Variants in HERC5 observed in about 807,000 individuals in gnomAD.
HERC5 encodes the protein E3 ISG15--protein ligase HERC5.
Under a neutral mutation model 119.6 loss-of-function variants are expected in HERC5, and 99 were observed. That is an observed-to-expected ratio of 0.83 (90% confidence interval 0.70 to 0.98). The LOEUF is 0.98. HERC5 is among the 50% of genes least tolerant of loss of function. HERC5 has a pLI of 0.00. For missense variants in HERC5, 1,267 were observed against 1,241.3 expected (o/e 1.02, Z -0.31); for synonymous variants, 478 against 445.9 (o/e 1.07, Z -0.91).
chr4:88,472,921 C>CT (rs775630233), intron 11 of HERC5: 1,966 of 128,128 alleles, frequency 0.015, 19 homozygotes, highest in Non-Finnish European at 0.023. Flanking sequence ...TGCCTGGATT[C>CT]TTTTTTTTTT....
chr4:88,479,341 T>C lies in HERC5; in HGVS notation c.1583-12T>C. The stretch of plus-strand genomic sequence containing the variant: ...CATTTTTTAAAAAATTTGCTTTCCT[T>C]GTGTTCCTCAGAAGAGTATTGGGCA... On this transcript the variant is annotated splice_polypyrimidine_tract_variant and intron_variant, in intron 12 of 22. Transcript: ENST00000264350. 6.4e-7 allele frequency: 1 copy of C among 1,557,682 alleles called. No homozygotes were observed. Among genetic ancestry groups the C allele is most frequent in the Non-Finnish European group, 8.6e-7 (1 of 1,158,718 alleles).
chr4:88,460,080 A>G lies in HERC5; in HGVS notation c.390-15A>G, dbSNP rs1435765301. 4.4e-6 allele frequency: 6 copies of G among 1,378,810 alleles called. No homozygotes were observed. The highest frequency in any genetic ancestry group is 1.8e-4 in the Middle Eastern group (1 of 5,618). 85.4% of individuals were successfully genotyped at this position (1,378,810 alleles called of 1,614,324 possible). A position where few individuals can be genotyped will look rare whatever the true frequency, so the allele number is the denominator to read the frequency against. On this transcript the variant is annotated splice_polypyrimidine_tract_variant and intron_variant, in intron 2 of 22. Coordinates refer to ENST00000264350, the MANE Select transcript of HERC5 (RefSeq NM_016323.4). The stretch of plus-strand genomic sequence containing the variant: ...CATTATGGTGATTAACACAAAGTGT[A>G]TTTTCCTTCATCAGGTTTGAAAGCA...
intron 10 of HERC5, 35 bp downstream of exon 10, chr4:88,470,708 T>C: frequency 1.1e-6 from 1 of 940,176 alleles, no homozygotes; most frequent in Non-Finnish European, 1.7e-6. Context: ...TATTAAATTG[T>C]ATTAAGAGTA....
chr4:88,492,674 AG>A (rs1222926355), intron 16 of HERC5, among the ~76,000 whole-genome samples: 1 of 152,086 alleles, frequency 6.6e-6, no homozygotes, highest in Non-Finnish European at 1.5e-5. Flanking sequence ...TAAACCCAGG[AG>A]GCGGAGGTTG....
Position 88,476,013 on chromosome 4 carries a change from A to G in HERC5, c.1565A>G (p.Gln522Arg), listed in dbSNP as rs778731969. The G allele has an allele frequency of 3.7e-5, 60 of 1,613,470 alleles. No homozygotes were observed. The highest frequency in any genetic ancestry group is 4.9e-5 in the Non-Finnish European group (58 of 1,179,880). ...AAGGTTGTTTGTAAAATGAGTGACC[A>G]GTCTTCACTGGTTCTGGGTAAGTTT... Reference protein sequence around the residue: ...FAKVVCKMSDQSSLVLEEYWA... With the variant: ...FAKVVCKMSDRSSLVLEEYWA... The change falls in exon 12 of 23, where the codon CAG (glutamine) becomes CGG (arginine). Residue 522 changes from glutamine (Q) to arginine (R), a missense_variant. Coordinates refer to ENST00000264350, the MANE Select transcript of HERC5 (RefSeq NM_016323.4).
chr4:88,505,680 T>C lies in HERC5; in HGVS notation c.2877T>C (p.Leu959=). 1 of 1,536,088 alleles carries C rather than the reference T, an allele frequency of 6.5e-7. No homozygotes were observed. Among genetic ancestry groups the C allele is most frequent in the Non-Finnish European group, 9.0e-7 (1 of 1,116,198 alleles). The change falls in exon 23 of 23, where the codon CTT becomes CTC. Residue 959 remains leucine (L), a synonymous_variant. Transcript: ENST00000264350. ...TTTTATTCTTCTTTTTAGTATTTCTTACAGGAACTGACAGACTACAAATGA... is the reference window on the plus strand; with the variant it reads ...TTTTATTCTTCTTTTTAGTATTTCTCACAGGAACTGACAGACTACAAATGA... ...LEEKKKFLVF[L]TGTDRLQMKD... is the part of the protein sequence containing the mutation.
intron 17 of HERC5, among the ~76,000 whole-genome samples, chr4:88,493,936 T>C (rs1741728094): frequency 1.3e-5 from 2 of 150,066 alleles, no homozygotes; most frequent in Non-Finnish European, 3.0e-5. Context: ...GACCAAATAT[T>C]AGGTTGGTGC....
rs914468580 is a variant in HERC5, at chr4:88,463,696, G to A, written c.780+73G>A. 5.6e-6 allele frequency: 8 copies of A among 1,433,258 alleles called. No individual in the cohort carries two copies. In the South Asian group the frequency reaches 9.5e-5, roughly 17 times the overall value. The allele number at this position is 1,433,258 out of a possible 1,614,324, so 88.8% of individuals were successfully genotyped here. ...TTGTATGGGAAGTTAGTGTTTCCCA[G>A]AGAAGAAAGGTCATCACTTCCTGTA... On this transcript the variant is annotated intron_variant, in intron 5 of 22. Transcript: ENST00000264350.
intron 12 of HERC5, among the ~76,000 whole-genome samples, chr4:88,477,925 AAAAG>A (rs1311751957): frequency 2.6e-5 from 4 of 152,238 alleles, no homozygotes; most frequent in Admixed American, 6.5e-5. Context: ...TGGAAGCACA[AAAAG>A]AAAGTTGTGC....
Position 88,499,988 on chromosome 4 carries a change from TTAATGTGAGTA to T in HERC5, c.2508_2511+7del. ...TTTGAGGAAGTATTTTACATCCATT[TTAATGTGAGTA>T]ACAATAAAAGCAGATAACAGATTAG... is the stretch of plus-strand genomic sequence containing the variant. On this transcript the variant is annotated splice_donor_variant and splice_donor_5th_base_variant and coding_sequence_variant and intron_variant, in exon 19 of 23. Transcript: ENST00000264350. LOFTEE classifies it high-confidence loss of function. The T allele has an allele frequency of 6.3e-7, 1 of 1,583,984 alleles. No homozygotes were observed. Among genetic ancestry groups the T allele is most frequent in the Non-Finnish European group, 8.7e-7 (1 of 1,152,810 alleles).
chr4:88,459,598 A>C lies in HERC5; in HGVS notation c.389+128A>C, dbSNP rs970793187. ...ATCTTAAGTAAATAATAAATTCTGAACTGACCAGTAAAGTCCTTATGTCCC... is the reference window on the plus strand; with the variant it reads ...ATCTTAAGTAAATAATAAATTCTGACCTGACCAGTAAAGTCCTTATGTCCC... On this transcript the variant is annotated intron_variant, in intron 2 of 22. Transcript: ENST00000264350. 8.2e-6 allele frequency: 5 copies of C among 613,136 alleles called. No homozygotes were observed. The Middle Eastern group carries it at 1.9e-3, about 227-fold the overall frequency. The allele number at this position is 613,136 out of a possible 1,614,324, so 38.0% of individuals were successfully genotyped here.
chr4:88,488,872 C>T (rs190612396), intron 15 of HERC5, among the ~76,000 whole-genome samples: 4 of 152,220 alleles, frequency 2.6e-5, no homozygotes, highest in Admixed American at 2.6e-4. Flanking sequence ...GTATCTTAAG[C>T]ATTAATAATT....
intron 16 of HERC5, among the ~76,000 whole-genome samples, chr4:88,490,860 T>C (rs975985715): frequency 6.6e-6 from 1 of 152,030 alleles, no homozygotes; most frequent in Non-Finnish European, 1.5e-5. Flanking sequence ...AAAAAATATA[T>C]ATATTGCAGT....
chr4:88,467,316 C>G lies in HERC5; in HGVS notation c.1057+112C>G, dbSNP rs977514178. On this transcript the variant is annotated intron_variant, in intron 7 of 22. Transcript: ENST00000264350. ...ACATATGACTATGAAGGGAGTTTCT[C>G]TAAATACTGGTTTCATTTTTTACTG... 4.6e-6 allele frequency: 5 copies of G among 1,076,160 alleles called. No homozygotes were observed. The African/African-American group carries it at 8.0e-5, about 17-fold the overall frequency. 66.7% of individuals were successfully genotyped at this position (1,076,160 alleles called of 1,614,324 possible).
At chr4:88,495,622 A>G (rs1392679206) in intron 18 of HERC5, among the ~76,000 whole-genome samples, 1 of 152,218 alleles carries the variant, frequency 6.6e-6, no homozygotes, top group East Asian at 1.9e-4. Flanking sequence ...CCTCTTTTAC[A>G]GATTCAGAAA....
intron 12 of HERC5, among the ~76,000 whole-genome samples, chr4:88,478,932 G>T (rs1276778845): frequency 6.6e-6 from 1 of 151,526 alleles, no homozygotes; most frequent in Non-Finnish European, 1.5e-5. Flanking sequence ...ATGTTAATTT[G>T]CTTCACTATA....
chr4:88,481,185 T>C (rs1294777590), intron 13 of HERC5, among the ~76,000 whole-genome samples: 1 of 152,186 alleles, frequency 6.6e-6, no homozygotes, highest in African/African-American at 2.4e-5. Flanking sequence ...CCAAAGTAGC[T>C]TGGACTACAT....
Position 88,489,276 on chromosome 4 carries a change from T to C in HERC5, c.2073T>C (p.Ile691=). ...TAACAGTCAGAAGGAATCACTTGAT[T>C]GAGGATGTTTTGAATCAGCTAAGTC... ...FDLTVRRNHL[I]EDVLNQLSQF... The change falls in exon 16 of 23, where the codon ATT becomes ATC. Residue 691 remains isoleucine (I), a synonymous_variant. Transcript: ENST00000264350. The C allele has an allele frequency of 6.2e-7, 1 of 1,614,016 alleles. No individual in the cohort carries two copies.
Position 88,506,098 on chromosome 4 carries a change from G to A in HERC5, c.*220G>A. ...TATTCTCTCCCTTGGATACCCCTAT[G>A]CCTACATCATATTCCTTACCTCTTT... On this transcript the variant is annotated 3_prime_UTR_variant, in exon 23 of 23. Transcript: ENST00000264350. 1 of 515,090 alleles carries A rather than the reference G, an allele frequency of 1.9e-6. No individual in the cohort carries two copies. The highest frequency in any genetic ancestry group is 3.4e-6 in the Non-Finnish European group (1 of 293,334). The allele number at this position is 515,090 out of a possible 1,614,324, so 31.9% of individuals were successfully genotyped here. A position where few individuals can be genotyped will look rare whatever the true frequency, so the allele number is the denominator to read the frequency against.
Sources: allele counts gnomAD v4.1 joint callset (sites outside exome capture counted in the v4.1 genomes callset), GRCh38; gene constraint gnomAD v4.1.1; transcripts MANE v1.5; gene names NCBI Gene and HGNC (gene_info 2026-07-23, HGNC 2026-07-21).